LSAMP: variants seen among roughly 807,000 people sequenced by gnomAD.
LSAMP encodes the protein limbic system associated membrane protein, also known as limbic system-associated membrane protein.
In LSAMP, 7 loss-of-function variants were observed where a neutral mutation model predicts 38.6. The ratio of observed to expected loss-of-function variants is 0.18; its 90% confidence interval spans 0.10 to 0.34. LSAMP has a LOEUF of 0.34. Among genes scored for constraint, LSAMP ranks in the 10% least tolerant of loss-of-function variants. The pLI, the probability that LSAMP is intolerant of heterozygous loss-of-function variation, is 1.00. For missense variants in LSAMP, 313 were observed against 420.0 expected, an observed-to-expected ratio of 0.75 and a Z score of 2.23; for synonymous variants, 154 against 166.8, an observed-to-expected ratio of 0.92 and a Z score of 0.59.
chr3:116,303,359 G>A (rs1009706685), intron 1 of LSAMP, among the ~76,000 whole-genome samples: 5 of 152,176 alleles, frequency 3.3e-5, no homozygotes, highest in Non-Finnish European at 7.3e-5. Flanking sequence ...TGAAGAAGTA[G>A]ACTTTAAAAG....
intron 1 of LSAMP, among the ~76,000 whole-genome samples, chr3:116,435,321 G>T (rs1349959168): frequency 6.6e-6 from 1 of 152,106 alleles, no homozygotes; most frequent in Non-Finnish European, 1.5e-5. Context: ...GTCAGCTCTT[G>T]TCCCAAGGAC....
At chr3:116,082,295 T>G (rs1005419942) in intron 2 of LSAMP, among the ~76,000 whole-genome samples, 10 of 152,208 alleles carry the variant, frequency 6.6e-5, no homozygotes, top group African/African-American at 2.2e-4. Context: ...TGATTCAATG[T>G]CATACAAGAA....
At chr3:115,817,055 T>C (rs1030426225) in intron 6 of LSAMP, among the ~76,000 whole-genome samples, 4 of 152,232 alleles carry the variant, frequency 2.6e-5, no homozygotes, top group Admixed American at 6.5e-5. Flanking sequence ...TGTCCTGCTC[T>C]TCTTCCAACA....
intron 3 of LSAMP, among the ~76,000 whole-genome samples, chr3:115,965,631 A>G (rs554983175): frequency 6.7e-6 from 1 of 148,800 alleles, no homozygotes; most frequent in Admixed American, 6.7e-5. Flanking sequence ...TGCAGTTTAT[A>G]TAACTGGTAA....
At chr3:115,990,728 G>A (rs1939642772) in intron 3 of LSAMP, among the ~76,000 whole-genome samples, 1 of 152,030 alleles carries the variant, frequency 6.6e-6, no homozygotes, top group Non-Finnish European at 1.5e-5. Context: ...CAACGGCCTT[G>A]TCTAATACCT....
chr3:116,054,652 T>C (rs952667725), intron 2 of LSAMP, among the ~76,000 whole-genome samples: 3 of 152,162 alleles, frequency 2.0e-5, no homozygotes, highest in African/African-American at 7.2e-5. Context: ...AGAATAAAGA[T>C]TTAATAAATA....
chr3:115,908,564 A>C (rs1474802597), intron 3 of LSAMP, among the ~76,000 whole-genome samples: 1 of 152,008 alleles, frequency 6.6e-6, no homozygotes, highest in Admixed American at 6.6e-5. Context: ...TTATAACCTG[A>C]CCTTTTTACT....
chr3:116,221,383 C>A (rs1015981029), intron 1 of LSAMP, among the ~76,000 whole-genome samples: 1 of 152,118 alleles, frequency 6.6e-6, no homozygotes, highest in South Asian at 2.1e-4. Flanking sequence ...GAACCAAGAA[C>A]CTCAGGATTC....
At chr3:116,135,856 C>G (rs1016749477) in intron 1 of LSAMP, among the ~76,000 whole-genome samples, 2 of 152,158 alleles carry the variant, frequency 1.3e-5, no homozygotes, top group African/African-American at 2.4e-5. Flanking sequence ...GTTCCACAGG[C>G]TCAGGCAGGC....
chr3:115,868,863 A>AT (rs1935935656), intron 3 of LSAMP, among the ~76,000 whole-genome samples: 1 of 152,150 alleles, frequency 6.6e-6, no homozygotes. Context: ...AGATTGTTAG[A>AT]TTTTAATTGA....
chr3:116,344,358 C>G (rs1283296267), intron 1 of LSAMP, among the ~76,000 whole-genome samples: 1 of 151,974 alleles, frequency 6.6e-6, no homozygotes, highest in African/African-American at 2.4e-5. Flanking sequence ...TAAGAAAAAT[C>G]TAAGTACAAA....
intron 3 of LSAMP, among the ~76,000 whole-genome samples, chr3:115,858,183 A>G (rs373857966): frequency 5.3e-5 from 8 of 150,034 alleles, no homozygotes; most frequent in African/African-American, 1.8e-4. Flanking sequence ...CACACCCCAC[A>G]AAAAGCTAGT....
rs11391588 is a variant in LSAMP at position 116,265,957 on chromosome 3, G to GTT, written c.155+178918_155+178919dup. ...TATCTTTAGTTTAAAAAGTTGTGGG[G>GTT]TTTTTTTTTCCCCTTCAATAACTAT... On this transcript the variant is annotated intron_variant, in intron 1 of 6. Coordinates refer to ENST00000490035, the MANE Select transcript of LSAMP (RefSeq NM_002338.5). Among the ~76,000 whole-genome samples, 395 of 150,974 alleles carry GTT rather than the reference G, an allele frequency of 2.6e-3. 3 individuals are homozygous for GTT. The highest frequency in any genetic ancestry group is 0.011 in the Admixed American group (172 of 15,176).
chr3:116,017,160 G>A (rs1940507067), intron 3 of LSAMP, among the ~76,000 whole-genome samples: 1 of 152,070 alleles, frequency 6.6e-6, no homozygotes, highest in African/African-American at 2.4e-5. Flanking sequence ...TAGACAAGGT[G>A]GGAAAGGCTC....
At chr3:115,995,595 G>GT (rs201641895) in intron 3 of LSAMP, among the ~76,000 whole-genome samples, 1 of 151,968 alleles carries the variant, frequency 6.6e-6, no homozygotes, top group Non-Finnish European at 1.5e-5. Flanking sequence ...CAGTTTTAGG[G>GT]TTTTTTCCCC....
chr3:116,239,066 A>G (rs1431210370), intron 1 of LSAMP, among the ~76,000 whole-genome samples: 3 of 152,196 alleles, frequency 2.0e-5, no homozygotes, highest in Non-Finnish European at 4.4e-5. Context: ...AGAAACTATG[A>G]GTAGTAGACA....
chr3:116,178,095 ACGTG>A (rs1270030830), intron 1 of LSAMP, among the ~76,000 whole-genome samples: 4 of 57,964 alleles, frequency 6.9e-5, no homozygotes, highest in Non-Finnish European at 1.3e-4. Flanking sequence ...AGTCTTGTGT[ACGTG>A]TGTGTGTGTG....
chr3:115,992,780 T>A (rs950004528), intron 3 of LSAMP, among the ~76,000 whole-genome samples: 1 of 152,088 alleles, frequency 6.6e-6, no homozygotes, highest in African/African-American at 2.4e-5. Flanking sequence ...CATCTAGAGA[T>A]GGATAATTAA....
chr3:116,283,667 A>C (rs535477510), intron 1 of LSAMP, among the ~76,000 whole-genome samples: 1 of 152,326 alleles, frequency 6.6e-6, no homozygotes, highest in East Asian at 1.9e-4. Context: ...CAAAAAATAA[A>C]GATGGCTTAT....
Sources: allele counts gnomAD v4.1 joint callset (sites outside exome capture counted in the v4.1 genomes callset), GRCh38; gene constraint gnomAD v4.1.1; transcripts MANE v1.5; gene names NCBI Gene and HGNC (gene_info 2026-07-23, HGNC 2026-07-21).